The following ATP8A1 variants were observed in gnomAD, a reference collection of about 807,000 sequenced individuals.
The protein encoded by ATP8A1 is ATPase phospholipid transporting 8A1, also known as phospholipid-transporting ATPase IA.
ATP8A1 carries 90 observed loss-of-function variants against 177.7 expected under a neutral mutation model. The ratio of observed to expected loss-of-function variants is 0.51; its 90% confidence interval spans 0.43 to 0.60. ATP8A1 has a LOEUF of 0.60. Ranked by LOEUF, ATP8A1 falls within the 20% of genes least tolerant of loss-of-function variation. The pLI, the probability that ATP8A1 is intolerant of heterozygous loss-of-function variation, is 0.00. For missense variants in ATP8A1, 1,072 were observed against 1,392.8 expected (o/e 0.77, Z 3.67); for synonymous variants, 493 against 485.9 (o/e 1.01, Z -0.19).
chr4:42,464,098 T>C (rs913285498), intron 27 of ATP8A1, among the ~76,000 whole-genome samples: 2 of 152,192 alleles, frequency 1.3e-5, no homozygotes, highest in African/African-American at 4.8e-5. Flanking sequence ...GTTTTTGAGC[T>C]TTATTAAAAA....
In ATP8A1 at chr4:42,422,564, T is replaced by A. The variant is rs1356989068; in HGVS notation, c.3305+243A>T. On this transcript the variant is annotated intron_variant, in intron 35 of 36. Coordinates refer to ENST00000381668, the MANE Select transcript of ATP8A1 (RefSeq NM_006095.2). ...TCAACTCTTACAACTAACCATGAGG[T>A]AGGTATTATTGCCCCCATTTTATTG... Among the ~76,000 whole-genome samples, 4 of 152,142 alleles carry A rather than the reference T, an allele frequency of 2.6e-5. No homozygotes were observed. The South Asian group carries it at 8.3e-4, about 32-fold the overall frequency.
At chr4:42,502,746 C>A (rs1723980079) in intron 24 of ATP8A1, among the ~76,000 whole-genome samples, 1 of 152,192 alleles carries the variant, frequency 6.6e-6, no homozygotes. Flanking sequence ...TCCCTAATTA[C>A]CAAGGTTTTC....
chr4:42,641,473 G>T (rs1459622015), intron 1 of ATP8A1, among the ~76,000 whole-genome samples: 1 of 151,510 alleles, frequency 6.6e-6, no homozygotes, highest in African/African-American at 2.4e-5. Flanking sequence ...TCCAACTCTA[G>T]AATCCAAGGA....
intron 6 of ATP8A1, among the ~76,000 whole-genome samples, chr4:42,598,854 T>C (rs1734973238): frequency 6.6e-6 from 1 of 152,170 alleles, no homozygotes; most frequent in Non-Finnish European, 1.5e-5. Flanking sequence ...TTAGTGATTC[T>C]AATTACTTCT....
chr4:42,593,163 C>T (rs1012951209), intron 6 of ATP8A1, among the ~76,000 whole-genome samples: 1 of 152,026 alleles, frequency 6.6e-6, no homozygotes, highest in Non-Finnish European at 1.5e-5. Flanking sequence ...TTTTCACTCC[C>T]TAAAGAGAGC....
At chr4:42,520,511 C>A (rs780784722) in intron 22 of ATP8A1, among the ~76,000 whole-genome samples, 2 of 151,834 alleles carry the variant, frequency 1.3e-5, no homozygotes, top group Admixed American at 6.6e-5. Context: ...GCCCCAAAGA[C>A]ATAATCATAT....
At chr4:42,581,122 A>G (rs1732995971) in intron 10 of ATP8A1, among the ~76,000 whole-genome samples, 1 of 151,954 alleles carries the variant, frequency 6.6e-6, no homozygotes, top group African/African-American at 2.4e-5. Flanking sequence ...TCCCGTGTGC[A>G]GTTAGCCATT....
intron 9 of ATP8A1, among the ~76,000 whole-genome samples, chr4:42,582,620 C>T (rs2109347403): frequency 6.6e-6 from 1 of 151,978 alleles, no homozygotes; most frequent in East Asian, 1.9e-4. Context: ...CAGCCCTGAC[C>T]CCCTACAGAC....
chr4:42,581,312 T>A (rs1272090554), intron 10 of ATP8A1, among the ~76,000 whole-genome samples: 1 of 152,128 alleles, frequency 6.6e-6, no homozygotes. Context: ...TTTTTGTATT[T>A]TCAGTAGAGA....
chr4:42,526,125 T>C (rs1290010377), intron 20 of ATP8A1, among the ~76,000 whole-genome samples: 21 of 152,120 alleles, frequency 1.4e-4, no homozygotes, highest in Non-Finnish European at 4.4e-5. Flanking sequence ...AAGTGATAAG[T>C]AATATAGCTA....
intron 20 of ATP8A1, among the ~76,000 whole-genome samples, chr4:42,540,438 GA>G (rs199748272): frequency 0.037 from 5,342 of 146,116 alleles, 302 homozygotes; most frequent in African/African-American, 0.12. Flanking sequence ...GTACCCAAAG[GA>G]AAAAAAAAAT....
At chr4:42,487,495 A>C (rs1014155599) in intron 24 of ATP8A1, among the ~76,000 whole-genome samples, 1 of 152,148 alleles carries the variant, frequency 6.6e-6, no homozygotes. Flanking sequence ...CTGAGTGCTA[A>C]GCCTACAGTT....
At chr4:42,438,745 C>T (rs1716280676) in intron 33 of ATP8A1, among the ~76,000 whole-genome samples, 1 of 151,962 alleles carries the variant, frequency 6.6e-6, no homozygotes, top group Admixed American at 6.6e-5. Flanking sequence ...CAATGGGCCC[C>T]AAAAAGAAGG....
At chr4:42,445,583 T>C (rs1717121896) in intron 31 of ATP8A1, among the ~76,000 whole-genome samples, 1 of 152,200 alleles carries the variant, frequency 6.6e-6, no homozygotes. Context: ...AATAAATGCT[T>C]GAAGTGCCCA....
chr4:42,639,576 A>C (rs1368372298), intron 1 of ATP8A1, among the ~76,000 whole-genome samples: 2 of 152,230 alleles, frequency 1.3e-5, no homozygotes, highest in Non-Finnish European at 2.9e-5. Flanking sequence ...TAAGAGGGAA[A>C]AAAAGAAAAA....
chr4:42,468,734 C>T (rs959916562), intron 25 of ATP8A1, among the ~76,000 whole-genome samples: 2 of 152,064 alleles, frequency 1.3e-5, no homozygotes, highest in African/African-American at 4.8e-5. Flanking sequence ...GTGATGGGTA[C>T]ACAAAATCTC....
chr4:42,622,579 A>C (rs1167012622), intron 4 of ATP8A1, among the ~76,000 whole-genome samples: 2 of 152,056 alleles, frequency 1.3e-5, no homozygotes, highest in African/African-American at 4.8e-5. Flanking sequence ...CACAGCAAAA[A>C]AGAAAAAAAA....
Position 42,455,615 on chromosome 4 carries a change from CA to C in ATP8A1, c.2620-17del. On this transcript the variant is annotated splice_polypyrimidine_tract_variant and intron_variant, in intron 27 of 36. Coordinates refer to ENST00000381668, the MANE Select transcript of ATP8A1 (RefSeq NM_006095.2). Reference sequence around the variant, plus strand: ...CAAACCAGATCTAGGAAAAAAAACCCAAAACCCCCAAATTAGAATACAAAAG... The same window carrying C: ...CAAACCAGATCTAGGAAAAAAAACCCAAACCCCCAAATTAGAATACAAAAG... 17 of 1,607,968 alleles carry C rather than the reference CA, an allele frequency of 1.1e-5. No individual in the cohort carries two copies. Among genetic ancestry groups the C allele is most frequent in the Non-Finnish European group, 1.4e-5 (16 of 1,177,716 alleles).
chr4:42,531,512 T>G (rs1484560874), intron 20 of ATP8A1, among the ~76,000 whole-genome samples: 1 of 152,132 alleles, frequency 6.6e-6, no homozygotes, highest in African/African-American at 2.4e-5. Flanking sequence ...TGGAACAAGA[T>G]GAGGAAGCCC....
Sources: gnomAD v4.1 joint callset for allele counts (sites outside exome capture counted in the v4.1 genomes callset) on GRCh38, gnomAD v4.1.1 for gene constraint, MANE v1.5 for transcripts, NCBI Gene and HGNC (gene_info 2026-07-23, HGNC 2026-07-21) for gene names.